The following TRPM8 variants were observed in gnomAD, a reference collection of about 807,000 sequenced individuals.
TRPM8 encodes TRPM8 cationic channel.
Under a neutral mutation model 133.7 loss-of-function variants are expected in TRPM8, and 110 were observed. That is an observed-to-expected ratio of 0.82 (90% CI 0.70 to 0.96). The LOEUF (loss-of-function observed/expected upper bound fraction) is 0.96. Ranked by LOEUF, TRPM8 falls within the 40% of genes least tolerant of loss-of-function variation. TRPM8 has a pLI of 0.00. For synonymous variants in TRPM8, 535 were observed against 532.3 expected, an observed-to-expected ratio of 1.01 and a Z score of -0.07; for missense variants, 1,291 against 1,379.5, an observed-to-expected ratio of 0.94 and a Z score of 1.02.
At chr2:233,927,972 CTTTCT>C (rs1559516825) in intron 2 of TRPM8, among the ~76,000 whole-genome samples, 2 of 75,860 alleles carry the variant, frequency 2.6e-5, no homozygotes. Flanking sequence ...TTCTTTCTTT[CTTTCT>C]TTTTTTTTTT....
intron 21 of TRPM8, among the ~76,000 whole-genome samples, chr2:233,992,106 G>A (rs1692294072): frequency 6.6e-6 from 1 of 152,058 alleles, no homozygotes; most frequent in African/African-American, 2.4e-5. Context: ...AAAAAAGTAA[G>A]GTACTTTTTC....
chr2:233,949,758 C>A (rs1456958093), intron 8 of TRPM8, among the ~76,000 whole-genome samples, 191 bp from the exon 9 acceptor site: 1 of 152,164 alleles, frequency 6.6e-6, no homozygotes, highest in Non-Finnish European at 1.5e-5. Flanking sequence ...TTTCATAAAG[C>A]AGATTACATT....
chr2:234,009,632 G>A (rs17874955), intron 24 of TRPM8, among the ~76,000 whole-genome samples: 7 of 152,168 alleles, frequency 4.6e-5, no homozygotes, highest in East Asian at 1.9e-4. Context: ...AGGTCCCACC[G>A]CCTCCCTCCC....
Position 234,001,196 on chromosome 2 carries a change from G to T in TRPM8, c.3130+4680G>T, listed in dbSNP as rs150416746. Among the ~76,000 whole-genome samples the T allele has an allele frequency of 6.3e-3, 961 of 152,208 alleles. 9 individuals are homozygous for T. The highest frequency in any genetic ancestry group is 0.01 in the Middle Eastern group (3 of 294). On this transcript the variant is annotated intron_variant, in intron 22 of 25. Transcript: ENST00000324695. The stretch of plus-strand genomic sequence containing the variant: ...CTCTCACATGAGGGTCCTATGACCT[G>T]CTGTAGGGGAAGGTCAGAAAATCCT...
intron 21 of TRPM8, among the ~76,000 whole-genome samples, chr2:233,988,156 C>T (rs1692193299): frequency 6.6e-6 from 1 of 152,234 alleles, no homozygotes; most frequent in South Asian, 2.1e-4. Context: ...TGCTCTCTGT[C>T]CCCCGGCAGG....
At chr2:234,004,523 GTTC>G (rs987853305) in intron 22 of TRPM8, among the ~76,000 whole-genome samples, 3 of 152,206 alleles carry the variant, frequency 2.0e-5, no homozygotes, top group South Asian at 2.1e-4. Flanking sequence ...TTCTGAAATT[GTTC>G]TTCTTTGGAG....
chr2:233,964,788 G>A, intron 14 of TRPM8, 31 bp downstream of exon 14: 2 of 1,573,860 alleles, frequency 1.3e-6, no homozygotes, highest in Non-Finnish European at 1.7e-6. Context: ...GCTGTGGTGG[G>A]CGCGGATCTG....
chr2:233,927,471 G>C (rs944083481), intron 2 of TRPM8, among the ~76,000 whole-genome samples: 2 of 152,202 alleles, frequency 1.3e-5, no homozygotes, highest in African/African-American at 4.8e-5. Flanking sequence ...GCCCTCAGGG[G>C]CTGCCCCTGC....
chr2:233,970,536 C>A, intron 17 of TRPM8, 110 bp downstream of exon 17: 2 of 1,059,174 alleles, frequency 1.9e-6, no homozygotes, highest in South Asian at 1.3e-5. Flanking sequence ...ACTATTTTCC[C>A]AAAATAAATG....
intron 14 of TRPM8, among the ~76,000 whole-genome samples, chr2:233,965,228 G>A (rs911063055): frequency 6.6e-6 from 1 of 152,206 alleles, no homozygotes; most frequent in African/African-American, 2.4e-5. Flanking sequence ...GCAGCAGCCT[G>A]AGTAGCATCT....
At chr2:233,922,634 A>G (rs1279077695) in intron 1 of TRPM8, among the ~76,000 whole-genome samples, 2 of 152,154 alleles carry the variant, frequency 1.3e-5, no homozygotes, top group African/African-American at 2.4e-5. Flanking sequence ...GCCTAAAGTT[A>G]TGTGAGTGTT....
At chr2:233,955,063 C>G (rs1447267663) in intron 10 of TRPM8, 69 bp from the exon 11 acceptor site, 4 of 1,136,630 alleles carry the variant, frequency 3.5e-6, no homozygotes, top group Non-Finnish European at 5.3e-6. Context: ...GATAATTGGC[C>G]ACACTGAATG....
chr2:233,954,321 A>G (rs1691240647), intron 10 of TRPM8, among the ~76,000 whole-genome samples: 1 of 152,210 alleles, frequency 6.6e-6, no homozygotes, highest in African/African-American at 2.4e-5. Context: ...TGGGCCTCAG[A>G]TTCCTTTGAG....
chr2:233,937,519 G>T lies in TRPM8; in HGVS notation c.348+10G>T, dbSNP rs781132875. On this transcript the variant is annotated intron_variant, in intron 4 of 25. Coordinates refer to ENST00000324695, the MANE Select transcript of TRPM8 (RefSeq NM_024080.5). Reference sequence around the variant, plus strand: ...GGGGAAGAAAGGGAAGGTAAGCAATGGTTTTCTACTTTGGCAGCTAATTCA... The same window carrying T: ...GGGGAAGAAAGGGAAGGTAAGCAATTGTTTTCTACTTTGGCAGCTAATTCA... The T allele has an allele frequency of 1.7e-5, 28 of 1,608,270 alleles. No homozygotes were observed. In the Admixed American group the frequency reaches 4.5e-4, roughly 26 times the overall value.
intron 22 of TRPM8, among the ~76,000 whole-genome samples, chr2:233,997,331 A>C (rs142050253): frequency 3.7e-4 from 57 of 152,260 alleles, no homozygotes; most frequent in African/African-American, 1.1e-3. Context: ...CCAGCCTATT[A>C]ATTGCTATTC....
In TRPM8 at chr2:234,014,744, T is replaced by G. The variant is rs552703266; in HGVS notation, c.*42+90T>G. 637 of 508,032 alleles carry G rather than the reference T, an allele frequency of 1.3e-3. 4 individuals carry two copies. The highest frequency in any genetic ancestry group is 2.5e-4 in the Non-Finnish European group (74 of 292,572). 31.5% of individuals were successfully genotyped at this position (508,032 alleles called of 1,614,324 possible). On this transcript the variant is annotated intron_variant, in intron 25 of 25. Transcript: ENST00000324695. ...ATCATGATTTTTTCCTCAGTTATTT[T>G]ATTTCCATAAATTACCAAATTTGAA...
intron 1 of TRPM8, among the ~76,000 whole-genome samples, chr2:233,921,417 A>G: frequency 6.6e-6 from 1 of 152,234 alleles, no homozygotes; most frequent in African/African-American, 2.4e-5. Flanking sequence ...GATGCCTTGA[A>G]GCTTGTAATT....
chr2:233,942,637 G>A lies in TRPM8; in HGVS notation c.588G>A (p.Val196=), dbSNP rs1171919060. Residue 196 remains valine (V), a synonymous_variant, in exon 6 of 26, where the codon GTG becomes GTA. Coordinates refer to ENST00000324695, the MANE Select transcript of TRPM8 (RefSeq NM_024080.5). ...TGATGAAGTACATCGGGGAGGTGGT[G>A]AGAGATAACACCATCAGCAGGAGTT... ...YGLMKYIGEV[V]RDNTISRSSE... 5 of 1,614,232 alleles carry A rather than the reference G, an allele frequency of 3.1e-6. No homozygotes were observed. Among genetic ancestry groups the A allele is most frequent in the Non-Finnish European group, 4.2e-6 (5 of 1,180,044 alleles).
intron 24 of TRPM8, among the ~76,000 whole-genome samples, chr2:234,010,835 T>C (rs1288636922): frequency 2.0e-5 from 3 of 152,210 alleles, no homozygotes; most frequent in Admixed American, 6.5e-5. Flanking sequence ...GTATTTTTGG[T>C]ATTGAGTTGT....
Sources: gnomAD v4.1 joint callset for allele counts (sites outside exome capture counted in the v4.1 genomes callset) on GRCh38, gnomAD v4.1.1 for gene constraint, MANE v1.5 for transcripts, NCBI Gene and HGNC (gene_info 2026-07-23, HGNC 2026-07-21) for gene names.